SCRT2: variants seen among roughly 807,000 people sequenced by gnomAD.
SCRT2 encodes transcriptional repressor scratch 2.
A neutral mutation model predicts 3.7 loss-of-function variants in SCRT2; 2 were observed. That is an observed-to-expected ratio of 0.54 (90% confidence interval 0.22 to 1.70). The LOEUF is 1.70. SCRT2 is among the 40% of genes most tolerant of loss of function. SCRT2 has a pLI of 0.19. For missense variants in SCRT2, 456 were observed against 468.5 expected, an observed-to-expected ratio of 0.97 and a Z score of 0.25; for synonymous variants, 256 against 220.6, an observed-to-expected ratio of 1.16 and a Z score of -1.42.
Position 663,318 on chromosome 20 carries a change from A to G in SCRT2, c.*353T>C. 3.7e-6 allele frequency: 1 copy of G among 271,152 alleles called. No individual in the cohort carries two copies. Among genetic ancestry groups the G allele is most frequent in the Non-Finnish European group, 6.9e-6 (1 of 144,572 alleles). The allele number at this position is 271,152 out of a possible 1,614,324, so 16.8% of individuals were successfully genotyped here. A position where few individuals can be genotyped will look rare whatever the true frequency, so the allele number is the denominator to read the frequency against. ...TGAGAAGCGAGAGAAAAGATCTAGAAGTTAGAAGAGCAGCGCGGGGTCTGG... is the reference window on the plus strand; with the variant it reads ...TGAGAAGCGAGAGAAAAGATCTAGAGGTTAGAAGAGCAGCGCGGGGTCTGG... On this transcript the variant is annotated 3_prime_UTR_variant, in exon 2 of 2. Transcript: ENST00000246104. This position sits in a 1 kb window ranked among gnomAD's most constrained non-coding sequence, Gnocchi z 6.9.
chr20:675,173 C>T lies in SCRT2; in HGVS notation c.133+296G>A, dbSNP rs1984487194. Among the ~76,000 whole-genome samples the T allele has an allele frequency of 2.0e-5, 3 of 152,168 alleles. No individual in the cohort carries two copies. Among genetic ancestry groups the T allele is most frequent in the Admixed American group, 6.5e-5 (1 of 15,286 alleles). On this transcript the variant is annotated intron_variant, in intron 1 of 1. Transcript: ENST00000246104. This position sits in a 1 kb window ranked among gnomAD's most constrained non-coding sequence, Gnocchi z 6.9. ...AGCGCTGGCCTTTCACGAGCAGCCCCGTCTGTGTTCTCTTGCCACCCCCTC... is the reference window on the plus strand; with the variant it reads ...AGCGCTGGCCTTTCACGAGCAGCCCTGTCTGTGTTCTCTTGCCACCCCCTC...
intron 1 of SCRT2, among the ~76,000 whole-genome samples, chr20:668,843 G>A (rs1223742792): frequency 1.3e-5 from 2 of 152,230 alleles, no homozygotes; most frequent in Non-Finnish European, 2.9e-5. Context: ...GACCCCCTGC[G>A]GGGATGGAGG....
At position 663,702 on chromosome 20, in the gene SCRT2, G is replaced by T; in HGVS notation, c.893C>A (p.Pro298His). 2 of 1,519,266 alleles carry T rather than the reference G, an allele frequency of 1.3e-6. No individual in the cohort carries two copies. Among genetic ancestry groups the T allele is most frequent in the East Asian group, 2.6e-5 (1 of 39,160 alleles). 94.1% of individuals were successfully genotyped at this position (1,519,266 alleles called of 1,614,324 possible). ...GGCCGGGCCGGCGGGGGTCGGCGGG[G>T]GTGGCTCGGCCGCCTTGGCGCAGGC... ...EAACAKAAEP[P>H]PPTPAGPAS The change falls in exon 2 of 2, where the codon CCC becomes CAC. Residue 298 changes from proline (P) to histidine (H), a missense_variant. Physicochemically the swap from Pro to His is moderately conservative, Grantham distance 77 (BLOSUM62 -2). Coordinates refer to ENST00000246104, the MANE Select transcript of SCRT2 (RefSeq NM_033129.4). The surrounding 1 kb of genome is among the most constrained non-coding windows in gnomAD (Gnocchi z 6.9).
chr20:674,403 A>T (rs1048719239), intron 1 of SCRT2, among the ~76,000 whole-genome samples: 307 of 20,020 alleles, frequency 0.015, no homozygotes, highest in Middle Eastern at 0.11. Context: ...TCTCTCTCAC[A>T]CACACACACA....
In SCRT2 at chr20:662,607, A is replaced by T. The variant is rs916334961; in HGVS notation, c.*1064T>A. On this transcript the variant is annotated 3_prime_UTR_variant, in exon 2 of 2. Coordinates refer to ENST00000246104, the MANE Select transcript of SCRT2 (RefSeq NM_033129.4). The stretch of plus-strand genomic sequence containing the variant: ...AGCCAGACGGTCCCTGGGTGAGGCC[A>T]AGAGATTAAATAGAATAATAAATAG... 6.6e-6 allele frequency: 1 copy of T among 152,432 alleles called. No individual in the cohort carries two copies. Among genetic ancestry groups the T allele is most frequent in the African/African-American group, 2.4e-5 (1 of 41,444 alleles). 9.4% of individuals were successfully genotyped at this position (152,432 alleles called of 1,614,324 possible). A position where few individuals can be genotyped will look rare whatever the true frequency, so the allele number is the denominator to read the frequency against.
In SCRT2 at chr20:675,380, C is replaced by T; in HGVS notation, c.133+89G>A. Reference sequence around the variant, plus strand: ...CTCCTCCCGGGGGTTTCCTGTCGCACGCGCCCCTCCTCGTGGCCCAAGCTG... The same window carrying T: ...CTCCTCCCGGGGGTTTCCTGTCGCATGCGCCCCTCCTCGTGGCCCAAGCTG... On this transcript the variant is annotated intron_variant, in intron 1 of 1. Coordinates refer to ENST00000246104, the MANE Select transcript of SCRT2 (RefSeq NM_033129.4). The surrounding 1 kb of genome is among the most constrained non-coding windows in gnomAD (Gnocchi z 6.9). The T allele has an allele frequency of 1.6e-5, 18 of 1,117,648 alleles. No homozygotes were observed. Among genetic ancestry groups the T allele is most frequent in the Non-Finnish European group, 1.9e-5 (17 of 872,244 alleles). 69.2% of individuals were successfully genotyped at this position (1,117,648 alleles called of 1,614,324 possible).
rs773237081 is a variant in SCRT2, at chr20:675,510, G to A, written c.92C>T (p.Ala31Val). 7.2e-7 allele frequency: 1 copy of A among 1,388,480 alleles called. No homozygotes were observed. Among genetic ancestry groups the A allele is most frequent in the South Asian group, 1.9e-5 (1 of 53,522 alleles). 86.0% of individuals were successfully genotyped at this position (1,388,480 alleles called of 1,614,324 possible). A position where few individuals can be genotyped will look rare whatever the true frequency, so the allele number is the denominator to read the frequency against. Residue 31 changes from alanine (A) to valine (V), a missense_variant, in exon 1 of 2, where the codon GCC (alanine) becomes GTC (valine). Ala to Val is a moderately conservative substitution (Grantham distance 64). This residue lies in a region of SCRT2 where 306 missense variants were observed against 305.3 expected (regional missense o/e 1.00). Coordinates refer to ENST00000246104, the MANE Select transcript of SCRT2 (RefSeq NM_033129.4). This position sits in a 1 kb window ranked among gnomAD's most constrained non-coding sequence, Gnocchi z 6.9. Reference sequence around the variant, plus strand: ...CCCCCGGGCGCCAGGCAGCACGTAGGCTGTCTCCAAGGGGTGGTAGGTGGG... The same window carrying A: ...CCCCCGGGCGCCAGGCAGCACGTAGACTGTCTCCAAGGGGTGGTAGGTGGG... ...PAPTYHPLET[A>V]YVLPGARGPP...
chr20:675,470 G>T lies in SCRT2; in HGVS notation c.132C>A (p.Asn44Lys). The change falls in exon 1 of 2, where the codon AAC becomes AAA. Residue 44 changes from asparagine to lysine, a missense_variant and splice_region_variant. Coordinates refer to ENST00000246104, the MANE Select transcript of SCRT2 (RefSeq NM_033129.4). The surrounding 1 kb of genome is among the most constrained non-coding windows in gnomAD (Gnocchi z 6.9). ...LPGARGPPGD[N>K]GYAPHRLPPS... The stretch of plus-strand genomic sequence containing the variant: ...CCGCCCCCGCCGGGTCCCACTCACC[G>T]TTGTCCCCGGGAGGCCCCCGGGCGC... The T allele has an allele frequency of 7.5e-7, 1 of 1,333,432 alleles. No homozygotes were observed. The highest frequency in any genetic ancestry group is 9.7e-7 in the Non-Finnish European group (1 of 1,036,118). 82.6% of individuals were successfully genotyped at this position (1,333,432 alleles called of 1,614,324 possible).
rs965282254 is a variant in SCRT2, at chr20:663,653, G to A, written c.*18C>T. The stretch of plus-strand genomic sequence containing the variant: ...CGCGTGGAGAGCGAGTTCCGGGCGC[G>A]AGGGCGAGGCGGAAGGCTCAGCTGG... On this transcript the variant is annotated 3_prime_UTR_variant, in exon 2 of 2. Coordinates refer to ENST00000246104, the MANE Select transcript of SCRT2 (RefSeq NM_033129.4). The surrounding 1 kb of genome is among the most constrained non-coding windows in gnomAD (Gnocchi z 6.9). The A allele has an allele frequency of 5.0e-6, 7 of 1,392,574 alleles. No individual in the cohort carries two copies. Among genetic ancestry groups the A allele is most frequent in the Non-Finnish European group, 5.6e-6 (6 of 1,080,948 alleles). 86.3% of individuals were successfully genotyped at this position (1,392,574 alleles called of 1,614,324 possible). A position where few individuals can be genotyped will look rare whatever the true frequency, so the allele number is the denominator to read the frequency against.
Position 675,797 on chromosome 20 carries a change from A to G in SCRT2, c.-196T>C. On this transcript the variant is annotated 5_prime_UTR_variant, in exon 1 of 2. Transcript: ENST00000246104. The surrounding 1 kb of genome is among the most constrained non-coding windows in gnomAD (Gnocchi z 6.9). ...CGGCGCGCAGACAGGGGATCGCGGG[A>G]GCTGCGCTCAGCACTCCGGCTGCCG... The G allele has an allele frequency of 9.2e-6, 2 of 217,104 alleles. No individual in the cohort carries two copies. Among genetic ancestry groups the G allele is most frequent in the South Asian group, 1.6e-4 (1 of 6,110 alleles). The allele number at this position is 217,104 out of a possible 1,614,324, so 13.4% of individuals were successfully genotyped here.
rs979897934 is a variant in SCRT2, at chr20:675,355, C to T, written c.133+114G>A. 11 of 918,628 alleles carry T rather than the reference C, an allele frequency of 1.2e-5. No homozygotes were observed. In the African/African-American group the frequency reaches 1.7e-4, roughly 14 times the overall value. 56.9% of individuals were successfully genotyped at this position (918,628 alleles called of 1,614,324 possible). On this transcript the variant is annotated intron_variant, in intron 1 of 1. Coordinates refer to ENST00000246104, the MANE Select transcript of SCRT2 (RefSeq NM_033129.4). This position sits in a 1 kb window ranked among gnomAD's most constrained non-coding sequence, Gnocchi z 6.9. ...GGGAGGAGCCCACGGCCAGAGAGAT[C>T]TCCTCCCGGGGGTTTCCTGTCGCAC...
rs1228346449 is a variant in SCRT2, at chr20:667,295, C to G, written c.134-2834G>C. ...AGGCACAAGGAAGCTAAGTAACAAG[C>G]CTAAGATTGTGCAGCTGATAAGTTA... On this transcript the variant is annotated intron_variant, in intron 1 of 1. Coordinates refer to ENST00000246104, the MANE Select transcript of SCRT2 (RefSeq NM_033129.4). This position sits in a 1 kb window ranked among gnomAD's most constrained non-coding sequence, Gnocchi z 4.4. Among the ~76,000 whole-genome samples the G allele has an allele frequency of 6.6e-6, 1 of 152,190 alleles. No homozygotes were observed. The highest frequency in any genetic ancestry group is 6.5e-5 in the Admixed American group (1 of 15,280).
chr20:672,364 A>G (rs1231020274), intron 1 of SCRT2, among the ~76,000 whole-genome samples: 2 of 150,956 alleles, frequency 1.3e-5, no homozygotes, highest in Non-Finnish European at 2.9e-5. Flanking sequence ...GAAAGGGAGT[A>G]GGAAGGCAAA....
In SCRT2 at chr20:667,423, C is replaced by G; in HGVS notation, c.134-2962G>C. On this transcript the variant is annotated intron_variant, in intron 1 of 1. Transcript: ENST00000246104. The surrounding 1 kb of genome is among the most constrained non-coding windows in gnomAD (Gnocchi z 4.4). ...CAATCTCCCCAGATGGGTTTCTGTG[C>G]TGCAGCTTTCTTGGCATCTGCCCCA... Among the ~76,000 whole-genome samples the G allele has an allele frequency of 6.6e-6, 1 of 152,196 alleles. No individual in the cohort carries two copies. The highest frequency in any genetic ancestry group is 6.5e-5 in the Admixed American group (1 of 15,280).
At position 664,107 on chromosome 20, in the gene SCRT2, G is replaced by A. The variant is rs1490465695; in HGVS notation, c.488C>T (p.Thr163Ile). ...HRHACAECGK[T>I]YATSSNLSRH... ...GCTCAGGTTCGACGACGTGGCGTAG[G>A]TCTTGCCGCACTCGGCGCACGCGTG... The change falls in exon 2 of 2, where the codon ACC becomes ATC. Residue 163 changes from threonine (T) to isoleucine (I), a missense_variant. By Grantham distance (89) the Thr-to-Ile change is moderately conservative (BLOSUM62 -1). Transcript: ENST00000246104. The surrounding 1 kb of genome is among the most constrained non-coding windows in gnomAD (Gnocchi z 7.9). 1 of 1,601,236 alleles carries A rather than the reference G, an allele frequency of 6.2e-7. No individual in the cohort carries two copies. Among genetic ancestry groups the A allele is most frequent in the Non-Finnish European group, 8.5e-7 (1 of 1,176,556 alleles).
At chr20:669,555 G>C (rs1351978901) in intron 1 of SCRT2, among the ~76,000 whole-genome samples, 1 of 152,202 alleles carries the variant, frequency 6.6e-6, no homozygotes, top group African/African-American at 2.4e-5. Flanking sequence ...GGGGCCTGGT[G>C]GGGGGCCAGC....
rs1379952554 is a variant in SCRT2, at chr20:664,128, G to A, written c.467C>T (p.Ala156Val). ...GAQAGGGHRH[A>V]CAECGKTYAT... ...GTAGGTCTTGCCGCACTCGGCGCAC[G>A]CGTGCCGGTGCCCGCCGCCCGCCTG... Residue 156 changes from alanine to valine, a missense_variant, in exon 2 of 2, where the codon GCG (alanine) becomes GTG (valine). This residue lies in a region of SCRT2 where 306 missense variants were observed against 305.3 expected (regional missense o/e 1.00). Coordinates refer to ENST00000246104, the MANE Select transcript of SCRT2 (RefSeq NM_033129.4). The surrounding 1 kb of genome is among the most constrained non-coding windows in gnomAD (Gnocchi z 7.9). 1.3e-6 allele frequency: 2 copies of A among 1,498,170 alleles called. No homozygotes were observed. The highest frequency in any genetic ancestry group is 2.7e-5 in the East Asian group (1 of 36,388). The allele number at this position is 1,498,170 out of a possible 1,614,324, so 92.8% of individuals were successfully genotyped here. A position where few individuals can be genotyped will look rare whatever the true frequency, so the allele number is the denominator to read the frequency against.
In SCRT2 at chr20:675,377, G is replaced by A. The variant is rs1050415085; in HGVS notation, c.133+92C>T. The A allele has an allele frequency of 3.4e-5, 37 of 1,099,592 alleles. No homozygotes were observed. In the African/African-American group the frequency reaches 4.7e-4, roughly 14 times the overall value. The allele number at this position is 1,099,592 out of a possible 1,614,324, so 68.1% of individuals were successfully genotyped here. On this transcript the variant is annotated intron_variant, in intron 1 of 1. Transcript: ENST00000246104. This position sits in a 1 kb window ranked among gnomAD's most constrained non-coding sequence, Gnocchi z 6.9. Reference sequence around the variant, plus strand: ...GATCTCCTCCCGGGGGTTTCCTGTCGCACGCGCCCCTCCTCGTGGCCCAAG... The same window carrying A: ...GATCTCCTCCCGGGGGTTTCCTGTCACACGCGCCCCTCCTCGTGGCCCAAG...
Position 663,250 on chromosome 20 carries a change from T to G in SCRT2, c.*421A>C. 1 of 173,886 alleles carries G rather than the reference T, an allele frequency of 5.8e-6. No individual in the cohort carries two copies. The highest frequency in any genetic ancestry group is 6.3e-5 in the Admixed American group (1 of 15,792). The allele number at this position is 173,886 out of a possible 1,614,324, so 10.8% of individuals were successfully genotyped here. ...GCGTCAAGGGTATAGGTTTGCGGCT[T>G]TCATTGGGGGCTCCAGTAGAGGAAT... On this transcript the variant is annotated 3_prime_UTR_variant, in exon 2 of 2. Transcript: ENST00000246104. This position sits in a 1 kb window ranked among gnomAD's most constrained non-coding sequence, Gnocchi z 6.9.
Sources: allele counts gnomAD v4.1 joint callset (sites outside exome capture counted in the v4.1 genomes callset), GRCh38; gene constraint gnomAD v4.1.1; regional missense constraint gnomAD v4.1.1; non-coding constraint Gnocchi (gnomAD v3.1); transcripts MANE v1.5; gene names NCBI Gene and HGNC (gene_info 2026-07-23, HGNC 2026-07-21).